The following TENM4 variants were observed in gnomAD, a reference collection of about 807,000 sequenced individuals.
TENM4 encodes the protein teneurin-4.
A neutral mutation model predicts 243.3 loss-of-function variants in TENM4; 82 were observed. That is an observed-to-expected ratio of 0.34 (90% confidence interval 0.28 to 0.40). TENM4 has a LOEUF of 0.40. TENM4 is among the 10% of genes least tolerant of loss of function. The pLI, the probability that TENM4 is intolerant of heterozygous loss-of-function variation, is 1.00. For synonymous variants in TENM4, 1,412 were observed against 1,456.3 expected, an observed-to-expected ratio of 0.97 and a Z score of 0.69; for missense variants, 3,138 against 3,673.3, an observed-to-expected ratio of 0.85 and a Z score of 3.77.
At chr11:79,289,483 G>T (rs1423760317) in intron 2 of TENM4, among the ~76,000 whole-genome samples, 1 of 152,244 alleles carries the variant, frequency 6.6e-6, no homozygotes, top group Non-Finnish European at 1.5e-5. Context: ...AGCTGTCACT[G>T]CAGTGGGCAA....
rs570897575 is a variant in TENM4 at position 79,440,260 on chromosome 11, C to T, written c.-321+249G>A. 1.4e-4 allele frequency among the ~76,000 whole-genome samples: 21 copies of T among 151,992 alleles called. No individual in the cohort carries two copies. Among genetic ancestry groups the T allele is most frequent in the African/African-American group, 5.1e-4 (21 of 41,528 alleles). ...CTCCCCCAACCCTTGCTCCCAGGCT[C>T]CAGTCCGCGGCGGGCTCCGGGGGCT... On this transcript the variant is annotated intron_variant, in intron 1 of 33. Transcript: ENST00000278550. This position sits in a 1 kb window ranked among gnomAD's most constrained non-coding sequence, Gnocchi z 4.7.
At chr11:79,217,165 G>C (rs1292281395) in intron 2 of TENM4, among the ~76,000 whole-genome samples, 1 of 152,120 alleles carries the variant, frequency 6.6e-6, no homozygotes, top group Admixed American at 6.5e-5. Context: ...ATGAAGAAAA[G>C]AAATTCTACC....
At chr11:78,907,488 A>G (rs1042678137) in intron 6 of TENM4, among the ~76,000 whole-genome samples, 4 of 152,084 alleles carry the variant, frequency 2.6e-5, no homozygotes, top group Non-Finnish European at 4.4e-5. Flanking sequence ...TATAGTTTCT[A>G]TTTACTGGCT....
chr11:78,779,729 C>G (rs1436955698), intron 16 of TENM4, among the ~76,000 whole-genome samples: 1 of 152,232 alleles, frequency 6.6e-6, no homozygotes, highest in Admixed American at 6.5e-5. Context: ...TTCAGCCAGG[C>G]TGCACTCCAG....
chr11:79,358,143 C>T (rs150151406), intron 1 of TENM4, among the ~76,000 whole-genome samples: 253 of 152,346 alleles, frequency 1.7e-3, no homozygotes, highest in African/African-American at 5.7e-3. Flanking sequence ...GCTATCATCA[C>T]AGCAGTCCTG....
chr11:79,306,436 G>T, intron 1 of TENM4, among the ~76,000 whole-genome samples: 1 of 152,282 alleles, frequency 6.6e-6, no homozygotes, highest in Admixed American at 6.5e-5. Flanking sequence ...GGGGCATTTA[G>T]GCCGAGGGAA....
chr11:79,223,000 G>C (rs1864193549), intron 2 of TENM4, among the ~76,000 whole-genome samples: 1 of 152,096 alleles, frequency 6.6e-6, no homozygotes, highest in African/African-American at 2.4e-5. Context: ...TTTGGGGAGG[G>C]AGAGCATCAG....
intron 1 of TENM4, among the ~76,000 whole-genome samples, chr11:79,382,957 C>G (rs1223164307): frequency 6.6e-6 from 1 of 152,176 alleles, no homozygotes; most frequent in Admixed American, 6.5e-5. Flanking sequence ...GGGCTGCGAG[C>G]AGGCACGCTC....
chr11:78,944,345 T>C (rs1415981104), intron 6 of TENM4, among the ~76,000 whole-genome samples: 2 of 152,068 alleles, frequency 1.3e-5, no homozygotes, highest in East Asian at 1.9e-4. Context: ...AAAAAGGCAA[T>C]GATGAAGATC....
intron 6 of TENM4, among the ~76,000 whole-genome samples, chr11:79,024,967 A>T (rs142739562): frequency 2.6e-5 from 4 of 152,194 alleles, no homozygotes; most frequent in Non-Finnish European, 5.9e-5. Flanking sequence ...AAGGGGGAAG[A>T]TGTTAGGATA....
intron 13 of TENM4, among the ~76,000 whole-genome samples, chr11:78,812,909 T>G (rs1239500338): frequency 6.6e-6 from 1 of 152,206 alleles, no homozygotes; most frequent in Non-Finnish European, 1.5e-5. Context: ...TTTTGTGATC[T>G]TCTCTATGAA....
At chr11:79,198,544 T>A (rs1863680255) in intron 3 of TENM4, among the ~76,000 whole-genome samples, 1 of 152,148 alleles carries the variant, frequency 6.6e-6, no homozygotes, top group African/African-American at 2.4e-5. Flanking sequence ...AGAGAAGAAG[T>A]TATGTGAAGA....
intron 1 of TENM4, among the ~76,000 whole-genome samples, chr11:79,429,105 T>A (rs1185796738): frequency 6.6e-6 from 1 of 152,094 alleles, no homozygotes; most frequent in Non-Finnish European, 1.5e-5. Flanking sequence ...AGGTGTAATA[T>A]CATTCTCATT....
intron 9 of TENM4, among the ~76,000 whole-genome samples, chr11:78,878,446 C>T (rs149491534): frequency 2.8e-4 from 42 of 152,300 alleles, no homozygotes; most frequent in African/African-American, 9.1e-4. Context: ...GGGTTCCTGG[C>T]TCAGCAGGAG....
intron 1 of TENM4, among the ~76,000 whole-genome samples, chr11:79,432,211 C>A (rs190411557): frequency 6.6e-6 from 1 of 152,108 alleles, no homozygotes; most frequent in Non-Finnish European, 1.5e-5. Context: ...CTACTTCTAC[C>A]ACATTTCTTT....
intron 6 of TENM4, among the ~76,000 whole-genome samples, chr11:79,021,415 T>G (rs1858922934): frequency 6.6e-6 from 1 of 152,144 alleles, no homozygotes. Flanking sequence ...GTAAACTACT[T>G]ATAGGCAAAG....
chr11:78,701,327 C>T (rs1183195014), intron 28 of TENM4, among the ~76,000 whole-genome samples, 199 bp downstream of exon 28: 2 of 152,212 alleles, frequency 1.3e-5, no homozygotes, highest in African/African-American at 4.8e-5. Context: ...GCTCCTCTGA[C>T]TCCAAAGCTT....
At chr11:79,412,614 A>G (rs1407808048) in intron 1 of TENM4, among the ~76,000 whole-genome samples, 4 of 152,372 alleles carry the variant, frequency 2.6e-5, no homozygotes, top group South Asian at 4.1e-4. Context: ...GGTTTGTAAG[A>G]AAATTAAATT....
chr11:78,900,746 A>G (rs1392243780), intron 7 of TENM4, among the ~76,000 whole-genome samples: 2 of 152,168 alleles, frequency 1.3e-5, no homozygotes, highest in East Asian at 3.9e-4. Flanking sequence ...CAAGGCAGGT[A>G]TGAAGGTCCC....
Sources: gnomAD v4.1 joint callset for allele counts (sites outside exome capture counted in the v4.1 genomes callset) on GRCh38, gnomAD v4.1.1 for gene constraint, Gnocchi (gnomAD v3.1) non-coding constraint, MANE v1.5 for transcripts, NCBI Gene and HGNC (gene_info 2026-07-23, HGNC 2026-07-21) for gene names.